The following HERPUD2 variants were observed in gnomAD, a reference collection of about 807,000 sequenced individuals.
The protein encoded by HERPUD2 is homocysteine-responsive endoplasmic reticulum-resident ubiquitin-like domain member 2 protein.
In HERPUD2, 13 loss-of-function variants were observed where a neutral mutation model predicts 49.9. The observed-to-expected ratio is 0.26, with a 90% CI of 0.17 to 0.41. The LOEUF is 0.41. Among genes scored for constraint, HERPUD2 ranks in the 10% least tolerant of loss-of-function variants. The probability of loss-of-function intolerance (pLI) is 1.00; values close to 1 mark genes in which losing one functional copy is unlikely to be tolerated. For synonymous variants in HERPUD2, 172 were observed against 171.4 expected (o/e 1.00, Z -0.03); for missense variants, 449 against 492.2 (o/e 0.91, Z 0.83).
intron 3 of HERPUD2, among the ~76,000 whole-genome samples, chr7:35,671,341 T>C (rs1400154823): frequency 1.3e-5 from 2 of 151,986 alleles, no homozygotes; most frequent in East Asian, 1.9e-4. Flanking sequence ...CCAACCTTAA[T>C]TGCTTTAGGA....
At chr7:35,636,787 A>C (rs1477508975) in intron 6 of HERPUD2, among the ~76,000 whole-genome samples, 4 of 152,182 alleles carry the variant, frequency 2.6e-5, no homozygotes, top group Admixed American at 6.5e-5. Context: ...GAATCAGTGG[A>C]TATCTGGGTG....
chr7:35,667,721 G>A (rs1465472168), intron 4 of HERPUD2, 133 bp from the exon 5 acceptor site: 4 of 661,092 alleles, frequency 6.1e-6, no homozygotes, highest in East Asian at 2.7e-5. Flanking sequence ...GTTTTACATC[G>A]TGTGTCCAGT....
chr7:35,681,759 T>C (rs1286113463), intron 2 of HERPUD2, among the ~76,000 whole-genome samples: 1 of 151,876 alleles, frequency 6.6e-6, no homozygotes, highest in East Asian at 1.9e-4. Flanking sequence ...TCTTTTTATA[T>C]GAAATGTCTA....
intron 2 of HERPUD2, among the ~76,000 whole-genome samples, chr7:35,693,092 C>A (rs1786227895): frequency 6.6e-6 from 1 of 152,228 alleles, no homozygotes; most frequent in African/African-American, 2.4e-5. Flanking sequence ...CGGTATACTT[C>A]TTTTCTAAAC....
At chr7:35,690,250 T>C (rs964446210) in intron 2 of HERPUD2, among the ~76,000 whole-genome samples, 3 of 152,218 alleles carry the variant, frequency 2.0e-5, no homozygotes, top group African/African-American at 7.2e-5. Context: ...TATAAACTAG[T>C]GCACTTCCCA....
At chr7:35,640,272 A>G (rs1055688645) in intron 5 of HERPUD2, among the ~76,000 whole-genome samples, 2 of 152,206 alleles carry the variant, frequency 1.3e-5, no homozygotes, top group Non-Finnish European at 2.9e-5. Context: ...AGTATTTCCC[A>G]TTATGAAAAA....
intron 2 of HERPUD2, among the ~76,000 whole-genome samples, chr7:35,692,782 G>A (rs1212128691): frequency 6.6e-6 from 1 of 152,086 alleles, no homozygotes; most frequent in South Asian, 2.1e-4. Flanking sequence ...AAGTCTAAAA[G>A]CCTAACTAAA....
chr7:35,683,769 A>T (rs778290418), intron 2 of HERPUD2, among the ~76,000 whole-genome samples: 26 of 152,362 alleles, frequency 1.7e-4, no homozygotes, highest in African/African-American at 6.3e-4. Flanking sequence ...CAATTCTCAA[A>T]AGAAGATATA....
At chr7:35,640,646 C>G (rs1784954610) in intron 5 of HERPUD2, among the ~76,000 whole-genome samples, 1 of 152,118 alleles carries the variant, frequency 6.6e-6, no homozygotes, top group South Asian at 2.1e-4. Flanking sequence ...CAGTTGTGTT[C>G]ATTACCCTCA....
At chr7:35,638,701 G>A (rs1194684143) in intron 5 of HERPUD2, among the ~76,000 whole-genome samples, 2 of 152,104 alleles carry the variant, frequency 1.3e-5, no homozygotes, top group East Asian at 1.9e-4. Flanking sequence ...GTTTTAAAGG[G>A]AAAACAAAGA....
chr7:35,657,398 T>C (rs1785297539), intron 5 of HERPUD2, among the ~76,000 whole-genome samples: 1 of 152,096 alleles, frequency 6.6e-6, no homozygotes, highest in South Asian at 2.1e-4. Flanking sequence ...GGACCTCTTA[T>C]ACACTGTTGG....
rs1786136767 is a variant in HERPUD2 at position 35,689,567 on chromosome 7, G to C, written c.147+4617C>G. Among the ~76,000 whole-genome samples, 5 of 152,292 alleles carry C rather than the reference G, an allele frequency of 3.3e-5. No homozygotes were observed. In the South Asian group the frequency reaches 1.0e-3, roughly 32 times the overall value. On this transcript the variant is annotated intron_variant, in intron 2 of 8. Coordinates refer to ENST00000311350, the MANE Select transcript of HERPUD2 (RefSeq NM_022373.5). ...TGTAATGAAAGTAAGACTTCTGATT[G>C]CAGGCAATTTGGTTATGGAGTGTTA... is the stretch of plus-strand genomic sequence containing the variant.
At chr7:35,656,091 G>A (rs1161177975) in intron 5 of HERPUD2, among the ~76,000 whole-genome samples, 12 of 152,150 alleles carry the variant, frequency 7.9e-5, no homozygotes, top group Admixed American at 7.2e-4. Flanking sequence ...GAACCAGAGA[G>A]ACAGAGGTTG....
intron 6 of HERPUD2, among the ~76,000 whole-genome samples, chr7:35,635,872 G>A (rs1404929512): frequency 6.6e-6 from 1 of 152,052 alleles, no homozygotes; most frequent in African/African-American, 2.4e-5. Context: ...GTTTTGAAAG[G>A]CTTGTCTAAA....
chr7:35,679,524 C>T (rs10951450), intron 2 of HERPUD2, among the ~76,000 whole-genome samples: 18,282 of 152,176 alleles, frequency 0.12, 1,443 homozygotes, highest in East Asian at 0.25. Flanking sequence ...AGACAGACAC[C>T]GCAGCCTTTA....
At chr7:35,663,321 A>G (rs1785467699) in intron 5 of HERPUD2, among the ~76,000 whole-genome samples, 1 of 152,234 alleles carries the variant, frequency 6.6e-6, no homozygotes, top group Admixed American at 6.5e-5. Context: ...TTTACTTCCA[A>G]CTATGTGGTC....
intron 2 of HERPUD2, among the ~76,000 whole-genome samples, chr7:35,679,110 A>G (rs1395051256): frequency 1.3e-5 from 2 of 152,206 alleles, no homozygotes; most frequent in Non-Finnish European, 2.9e-5. Flanking sequence ...TACAAGTTAA[A>G]TAAATTTAGG....
rs146835851 is a variant in HERPUD2, at chr7:35,669,137, A to G, written c.339+1078T>C. Among the ~76,000 whole-genome samples the G allele has an allele frequency of 9.4e-4, 143 of 152,180 alleles. No individual in the cohort carries two copies. In the East Asian group the frequency reaches 0.019, roughly 20 times the overall value. On this transcript the variant is annotated intron_variant, in intron 4 of 8. Transcript: ENST00000311350. ...AATGCAACTGTGTCCGACGACTACA[A>G]AAAAAAACTCTGTGCCAATGCCAAT...
At chr7:35,694,149 G>T in intron 2 of HERPUD2, 35 bp downstream of exon 2, 1 of 1,612,526 alleles carries the variant, frequency 6.2e-7, no homozygotes, top group Non-Finnish European at 8.5e-7. Flanking sequence ...AAAGCTGCTG[G>T]TCAGAGCAGC....
Sources: gnomAD v4.1 joint callset for allele counts (sites outside exome capture counted in the v4.1 genomes callset) on GRCh38, gnomAD v4.1.1 for gene constraint, MANE v1.5 for transcripts, NCBI Gene and HGNC (gene_info 2026-07-23, HGNC 2026-07-21) for gene names.